CACNA2D3: variants seen among roughly 807,000 people sequenced by gnomAD.
CACNA2D3 encodes the protein voltage-dependent calcium channel subunit alpha-2/delta-3.
In CACNA2D3, 60 loss-of-function variants were observed where a neutral mutation model predicts 160.6. The ratio of observed to expected loss-of-function variants is 0.37; its 90% confidence interval spans 0.30 to 0.46. CACNA2D3 has a LOEUF of 0.46. Among genes scored for constraint, CACNA2D3 ranks in the 20% least tolerant of loss-of-function variants. The pLI is 1.00. For synonymous variants in CACNA2D3, 558 were observed against 492.9 expected (o/e 1.13, Z -1.75); for missense variants, 1,205 against 1,365.0 (o/e 0.88, Z 1.85).
At position 54,675,833 on chromosome 3, in the gene CACNA2D3, C is replaced by G. The variant is rs1459868846; in HGVS notation, c.1167+33592C>G. ...GAGACCTACAACAGGCAGGCCTGTTCAGCTTTGTTTGCCTCAGCATTTCCC... is the reference window on the plus strand; with the variant it reads ...GAGACCTACAACAGGCAGGCCTGTTGAGCTTTGTTTGCCTCAGCATTTCCC... On this transcript the variant is annotated intron_variant, in intron 11 of 37. Transcript: ENST00000474759. Among the ~76,000 whole-genome samples, 5 of 152,180 alleles carry G rather than the reference C, an allele frequency of 3.3e-5. No homozygotes were observed. In the East Asian group the frequency reaches 5.8e-4, roughly 18 times the overall value.
chr3:54,933,045 A>ATCCC (rs1395976715), intron 27 of CACNA2D3, among the ~76,000 whole-genome samples: 5 of 137,258 alleles, frequency 3.6e-5, no homozygotes, highest in African/African-American at 1.0e-4. Flanking sequence ...CCATCCATCC[A>ATCCC]TCCCTCCCTT....
At chr3:54,957,406 C>T (rs1701926077) in intron 27 of CACNA2D3, among the ~76,000 whole-genome samples, 1 of 152,150 alleles carries the variant, frequency 6.6e-6, no homozygotes, top group African/African-American at 2.4e-5. Context: ...ATCTCAGCCT[C>T]CTAAAGTGCT....
chr3:55,053,593 G>A (rs1026907577), intron 35 of CACNA2D3, among the ~76,000 whole-genome samples: 3 of 151,778 alleles, frequency 2.0e-5, no homozygotes. Context: ...ACTGCTTTTT[G>A]CTACCAAAAA....
At chr3:55,020,861 A>G (rs1039370126) in intron 35 of CACNA2D3, among the ~76,000 whole-genome samples, 64 of 152,200 alleles carry the variant, frequency 4.2e-4, no homozygotes, top group African/African-American at 1.5e-3. Flanking sequence ...AAAAAAAAAA[A>G]AGTAATAATA....
chr3:54,891,756 C>T (rs1317526639), intron 25 of CACNA2D3, among the ~76,000 whole-genome samples: 1 of 152,144 alleles, frequency 6.6e-6, no homozygotes, highest in African/African-American at 2.4e-5. Flanking sequence ...CTGGGGGAGC[C>T]GCCAGAGGGA....
At chr3:54,840,910 G>A (rs1417412559) in intron 16 of CACNA2D3, among the ~76,000 whole-genome samples, 10 of 150,678 alleles carry the variant, frequency 6.6e-5, no homozygotes, top group Admixed American at 6.6e-4. Context: ...TTTTAGTAGA[G>A]ATGGGGTTTC....
At chr3:55,065,016 CAG>C (rs1704602896) in intron 35 of CACNA2D3, among the ~76,000 whole-genome samples, 1 of 152,174 alleles carries the variant, frequency 6.6e-6, no homozygotes, top group Admixed American at 6.5e-5. Flanking sequence ...GGTTAAATAA[CAG>C]AGGAGAGTGA....
chr3:54,896,689 C>G (rs1245309238), intron 25 of CACNA2D3, 60 bp from the exon 26 acceptor site: 1 of 1,610,428 alleles, frequency 6.2e-7, no homozygotes, highest in African/African-American at 1.3e-5. Flanking sequence ...TCGGGGTGCT[C>G]CAGGCCCACC....
At chr3:54,894,547 G>A in intron 25 of CACNA2D3, 2 of 492,714 alleles carry the variant, frequency 4.1e-6, no homozygotes, top group East Asian at 5.8e-5. Flanking sequence ...AAGGTCCCCT[G>A]TGGGCATCAT....
chr3:54,973,715 CAGGTGACCCCTACCAAGTGCATCTTTCCT>C (rs1210895061), intron 29 of CACNA2D3, among the ~76,000 whole-genome samples: 8 of 152,218 alleles, frequency 5.3e-5, no homozygotes, highest in Non-Finnish European at 1.0e-4. Flanking sequence ...CAAGGGGGCA[CAGGTGACCCCTACCAAGTGCATCTTTCCT>C]AGGTGACCCC....
At chr3:54,384,371 A>C (rs1014205279) in intron 3 of CACNA2D3, among the ~76,000 whole-genome samples, 3 of 152,234 alleles carry the variant, frequency 2.0e-5, no homozygotes, top group Non-Finnish European at 4.4e-5. Context: ...AACTGATTTC[A>C]TGATACATGC....
intron 30 of CACNA2D3, among the ~76,000 whole-genome samples, chr3:54,987,077 T>C (rs931044969): frequency 6.6e-6 from 1 of 152,160 alleles, no homozygotes; most frequent in Non-Finnish European, 1.5e-5. Flanking sequence ...GGTAGGCCAT[T>C]AGAAGTCTCA....
chr3:55,001,284 G>A (rs191568387), intron 31 of CACNA2D3, among the ~76,000 whole-genome samples: 13 of 152,172 alleles, frequency 8.5e-5, no homozygotes, highest in Admixed American at 2.0e-4. Flanking sequence ...TAAGAAAACC[G>A]GGAGCCTTGT....
chr3:54,528,100 A>G (rs1023848509), intron 5 of CACNA2D3, among the ~76,000 whole-genome samples: 1 of 152,112 alleles, frequency 6.6e-6, no homozygotes, highest in Non-Finnish European at 1.5e-5. Context: ...GCTGTGGGAA[A>G]TCAGAAAATT....
intron 27 of CACNA2D3, among the ~76,000 whole-genome samples, chr3:54,904,992 C>T (rs1169640561): frequency 6.6e-6 from 1 of 152,132 alleles, no homozygotes; most frequent in Non-Finnish European, 1.5e-5. Flanking sequence ...GAGGTCCGGG[C>T]ATCTAAGGTG....
chr3:54,708,487 G>T (rs929109736), intron 11 of CACNA2D3, among the ~76,000 whole-genome samples: 3 of 152,130 alleles, frequency 2.0e-5, no homozygotes, highest in African/African-American at 7.2e-5. Context: ...GATCCTTTTG[G>T]TTGGAGACCT....
At chr3:54,125,120 T>C (rs913518434) in intron 2 of CACNA2D3, among the ~76,000 whole-genome samples, 5 of 152,222 alleles carry the variant, frequency 3.3e-5, no homozygotes, top group Admixed American at 1.3e-4. Flanking sequence ...CACGTTGTAG[T>C]TGTAGCAACT....
chr3:54,326,229 A>G (rs1704117939), intron 3 of CACNA2D3, among the ~76,000 whole-genome samples: 2 of 152,226 alleles, frequency 1.3e-5, no homozygotes, highest in African/African-American at 4.8e-5. Flanking sequence ...GCATTTAATA[A>G]ACATTTACCT....
At chr3:54,334,231 C>G (rs1704327066) in intron 3 of CACNA2D3, among the ~76,000 whole-genome samples, 1 of 151,318 alleles carries the variant, frequency 6.6e-6, no homozygotes, top group Non-Finnish European at 1.5e-5. Flanking sequence ...GGATTACAGG[C>G]GCTCGCCACG....
Sources: allele counts gnomAD v4.1 joint callset (sites outside exome capture counted in the v4.1 genomes callset), GRCh38; gene constraint gnomAD v4.1.1; transcripts MANE v1.5; gene names NCBI Gene and HGNC (gene_info 2026-07-23, HGNC 2026-07-21).